Variants in CUL2 observed in about 807,000 individuals in gnomAD.
The protein encoded by CUL2 is cullin-2.
Under a neutral mutation model 110.2 loss-of-function variants are expected in CUL2, and 22 were observed. The observed-to-expected ratio is 0.20, with a 90% CI of 0.14 to 0.28. The LOEUF (loss-of-function observed/expected upper bound fraction) is 0.28. CUL2 is among the 10% of genes least tolerant of loss of function. The pLI, the probability that CUL2 is intolerant of heterozygous loss-of-function variation, is 1.00. For missense variants in CUL2, 631 were observed against 905.5 expected (o/e 0.70, Z 3.89); for synonymous variants, 279 against 293.2 (o/e 0.95, Z 0.49).
intron 4 of CUL2, among the ~76,000 whole-genome samples, chr10:35,058,319 C>G (rs1306551098): frequency 6.6e-6 from 1 of 152,068 alleles, no homozygotes; most frequent in African/African-American, 2.4e-5. Flanking sequence ...AAGTTTGTGT[C>G]GAAACATTAT....
intron 1 of CUL2, among the ~76,000 whole-genome samples, chr10:35,121,743 G>A (rs1216217468): frequency 4.0e-5 from 6 of 150,708 alleles, no homozygotes; most frequent in Non-Finnish European, 8.8e-5. Flanking sequence ...CCGGGAGGTC[G>A]AGGCTACAGT....
intron 5 of CUL2, among the ~76,000 whole-genome samples, chr10:35,052,119 T>C (rs138016870): frequency 1.1e-4 from 16 of 152,312 alleles, no homozygotes; most frequent in East Asian, 3.9e-4. Context: ...TTGACTCTTC[T>C]CTTTTTCCAC....
At chr10:35,018,432 C>CT (rs2085100507) in intron 17 of CUL2, among the ~76,000 whole-genome samples, 1 of 151,498 alleles carries the variant, frequency 6.6e-6, no homozygotes, top group Admixed American at 6.6e-5. Context: ...ATTAGTAACT[C>CT]TGATTAAGGT....
At chr10:35,055,018 G>A (rs923827169) in intron 4 of CUL2, among the ~76,000 whole-genome samples, 4 of 152,292 alleles carry the variant, frequency 2.6e-5, no homozygotes, top group African/African-American at 9.6e-5. Context: ...GGGCAAGATT[G>A]ACAGATACAA....
intron 2 of CUL2, chr10:35,098,050 T>C (rs1458168931): frequency 6.6e-6 from 1 of 152,144 alleles, no homozygotes; most frequent in Non-Finnish European, 1.5e-5. Flanking sequence ...ACTCATATCA[T>C]ATTCTGTGGG....
At chr10:35,065,496 G>A (rs1332335398) in intron 2 of CUL2, among the ~76,000 whole-genome samples, 24 of 152,162 alleles carry the variant, frequency 1.6e-4, no homozygotes, top group Admixed American at 6.5e-5. Context: ...ACAGGTGCCT[G>A]TAGTCCCAGC....
chr10:35,080,596 T>TA (rs2086923970), intron 1 of CUL2, among the ~76,000 whole-genome samples: 1 of 152,028 alleles, frequency 6.6e-6, no homozygotes, highest in Non-Finnish European at 1.5e-5. Flanking sequence ...CAGCTGGGAC[T>TA]ACAGGCACAC....
Position 35,028,818 on chromosome 10 carries a change from C to T in CUL2, c.1609G>A (p.Val537Ile). 1 of 1,607,664 alleles carries T rather than the reference C, an allele frequency of 6.2e-7. No individual in the cohort carries two copies. Among genetic ancestry groups the T allele is most frequent in the Non-Finnish European group, 8.5e-7 (1 of 1,174,976 alleles). The change falls in exon 16 of 21, where the codon GTA (valine) becomes ATA (isoleucine). Residue 537 changes from valine to isoleucine, a missense_variant. Transcript: ENST00000374749. ...ATTTCCTGCAAACTTACCATCTGTACACTTTTTTCTAATTCCTGGGGAATT... is the reference window on the plus strand; with the variant it reads ...ATTTCCTGCAAACTTACCATCTGTATACTTTTTTCTAATTCCTGGGGAATT... ...FAIPQELEKS[V>I]QMFELFYSQH...
At chr10:35,040,912 G>A (rs1357653112) in intron 8 of CUL2, among the ~76,000 whole-genome samples, 2 of 152,156 alleles carry the variant, frequency 1.3e-5, no homozygotes, top group African/African-American at 4.8e-5. Context: ...ACAGGAGGCG[G>A]AGCTCAGGCA....
intron 1 of CUL2, among the ~76,000 whole-genome samples, chr10:35,117,897 T>C (rs1353201231): frequency 6.6e-6 from 1 of 152,238 alleles, no homozygotes; most frequent in Non-Finnish European, 1.5e-5. Flanking sequence ...CTTGATTTTT[T>C]TCAGAACAAT....
chr10:35,032,325 T>A, intron 12 of CUL2, 110 bp downstream of exon 12: 3 of 894,424 alleles, frequency 3.4e-6, no homozygotes, highest in Non-Finnish European at 3.5e-6. Context: ...TAATTTTCCT[T>A]CTATTTTTCT....
intron 16 of CUL2, among the ~76,000 whole-genome samples, chr10:35,027,424 G>A (rs1278085503): frequency 1.3e-5 from 2 of 152,108 alleles, no homozygotes; most frequent in Admixed American, 6.6e-5. Context: ...GATTACAGGC[G>A]TGAGCCACCG....
At chr10:35,115,127 A>G (rs10047349) in intron 1 of CUL2, among the ~76,000 whole-genome samples, 49,104 of 150,652 alleles carry the variant, frequency 0.33, 8,052 homozygotes, top group South Asian at 0.35. Flanking sequence ...CAGGAGAATC[A>G]CTTGAACCCA....
chr10:35,121,718 G>A (rs1322575708), intron 1 of CUL2, among the ~76,000 whole-genome samples: 1 of 151,760 alleles, frequency 6.6e-6, no homozygotes, highest in Non-Finnish European at 1.5e-5. Context: ...GCTGAGGTGG[G>A]AGGATTGCTT....
intron 2 of CUL2, among the ~76,000 whole-genome samples, chr10:35,067,393 T>C (rs1345394479): frequency 6.6e-6 from 1 of 151,966 alleles, no homozygotes; most frequent in Non-Finnish European, 1.5e-5. Flanking sequence ...AAACCTTGAG[T>C]AAAAGTAAAC....
chr10:35,076,232 A>C (rs2086814208), intron 1 of CUL2, among the ~76,000 whole-genome samples: 1 of 152,124 alleles, frequency 6.6e-6, no homozygotes, highest in African/African-American at 2.4e-5. Context: ...GCAAATCTAG[A>C]GACAGAAAGT....
intron 17 of CUL2, among the ~76,000 whole-genome samples, chr10:35,021,260 TTC>T (rs1466513927): frequency 7.3e-6 from 1 of 136,936 alleles, no homozygotes; most frequent in East Asian, 2.1e-4. Flanking sequence ...CTTTCTTTCT[TTC>T]TTTTTTTTTT....
At chr10:35,028,695 A>C (rs1257018185) in intron 16 of CUL2, 115 bp downstream of exon 16, 7 of 615,578 alleles carry the variant, frequency 1.1e-5, no homozygotes, top group African/African-American at 1.1e-4. Context: ...ATAATTTCTG[A>C]ATCTATTTTT....
Position 35,070,761 on chromosome 10 carries a change from C to CCTCA in CUL2, c.119+434_119+437dup, listed in dbSNP as rs111717119. 6.1e-3 allele frequency among the ~76,000 whole-genome samples: 924 copies of CCTCA among 152,314 alleles called. 11 individuals are homozygous for CCTCA. The highest frequency in any genetic ancestry group is 0.021 in the African/African-American group (876 of 41,560). On this transcript the variant is annotated intron_variant, in intron 2 of 20. Transcript: ENST00000374749. Reference sequence around the variant, plus strand: ...CCAGTCTCTGCTCTAATGTCACCATCCTCAGGGAGGCCTTCCTTGGCCACC... The same window carrying CCTCA: ...CCAGTCTCTGCTCTAATGTCACCATCCTCACTCAGGGAGGCCTTCCTTGGCCACC...
Sources: allele counts gnomAD v4.1 joint callset (sites outside exome capture counted in the v4.1 genomes callset), GRCh38; gene constraint gnomAD v4.1.1; transcripts MANE v1.5; gene names NCBI Gene and HGNC (gene_info 2026-07-23, HGNC 2026-07-21).